AFAP1L2: variants seen among roughly 807,000 people sequenced by gnomAD.
AFAP1L2 encodes the protein actin filament associated protein 1 like 2, also known as actin filament-associated protein 1-like 2.
Under a neutral mutation model 99.3 loss-of-function variants are expected in AFAP1L2, and 46 were observed. The observed-to-expected ratio is 0.46, with a 90% CI of 0.37 to 0.59. AFAP1L2 has a LOEUF of 0.59. Ranked by LOEUF, AFAP1L2 falls within the 20% of genes least tolerant of loss-of-function variation. The pLI, the probability that AFAP1L2 is intolerant of heterozygous loss-of-function variation, is 0.00. For synonymous variants in AFAP1L2, 397 were observed against 419.1 expected, an observed-to-expected ratio of 0.95 and a Z score of 0.64; for missense variants, 959 against 1,034.9, an observed-to-expected ratio of 0.93 and a Z score of 1.01.
downstream of AFAP1L2, chr10:114,294,683 T>C (rs1286175555): frequency 4.8e-6 from 2 of 420,052 alleles, no homozygotes; most frequent in Admixed American, 1.3e-4. Flanking sequence ...CTTTCAGCCT[T>C]ATCTATGCTC....
intron 1 of AFAP1L2, among the ~76,000 whole-genome samples, chr10:114,356,709 C>G (rs1358420168): frequency 1.3e-5 from 2 of 152,184 alleles, no homozygotes; most frequent in Admixed American, 1.3e-4. Flanking sequence ...ACAGAAAACC[C>G]AAATTTCCTA....
chr10:114,357,352 T>C (rs1287943388), intron 1 of AFAP1L2, among the ~76,000 whole-genome samples: 3 of 152,166 alleles, frequency 2.0e-5, no homozygotes, highest in African/African-American at 7.2e-5. Context: ...TGTAACCACA[T>C]TCTCTAATGC....
intron 1 of AFAP1L2, among the ~76,000 whole-genome samples, chr10:114,350,669 TG>T (rs2050335799): frequency 6.6e-6 from 1 of 152,184 alleles, no homozygotes; most frequent in Non-Finnish European, 1.5e-5. Context: ...GCTGATGGGC[TG>T]GAAGGACAGG....
intron 1 of AFAP1L2, among the ~76,000 whole-genome samples, chr10:114,369,520 G>A (rs926352397): frequency 2.3e-4 from 35 of 151,262 alleles, no homozygotes; most frequent in African/African-American, 7.1e-4. Flanking sequence ...GCGTGAACCC[G>A]GGAGGCGGAG....
the AFAP1L2 span, among the ~76,000 whole-genome samples, chr10:114,284,502 CT>C: frequency 1.3e-5 from 2 of 152,190 alleles, no homozygotes; most frequent in Non-Finnish European, 2.9e-5. Context: ...TAAGACAACC[CT>C]GTGTAGAACT....
intron 1 of AFAP1L2, among the ~76,000 whole-genome samples, chr10:114,379,069 C>T (rs1406879195): frequency 6.6e-6 from 1 of 151,990 alleles, no homozygotes; most frequent in African/African-American, 2.4e-5. Flanking sequence ...AAAAATTAGC[C>T]AGGTATGGTG....
At chr10:114,302,017 G>T (rs1030329163) in intron 12 of AFAP1L2, 7 of 331,302 alleles carry the variant, frequency 2.1e-5, no homozygotes, top group South Asian at 3.4e-5. Context: ...TGGAGACCCA[G>T]TGAGGGATTC....
chr10:114,382,250 T>C (rs1291415196), intron 1 of AFAP1L2, among the ~76,000 whole-genome samples: 1 of 110,138 alleles, frequency 9.1e-6, no homozygotes, highest in Non-Finnish European at 2.0e-5. Context: ...TAGCAAAGGA[T>C]TGGGGGAAAA....
chr10:114,284,910 G>A, the AFAP1L2 span: 5 of 1,606,410 alleles, frequency 3.1e-6, no homozygotes, highest in Non-Finnish European at 4.2e-6. Context: ...ATGTGTTCCA[G>A]AAGGACTGGA....
intron 1 of AFAP1L2, among the ~76,000 whole-genome samples, chr10:114,361,863 G>T (rs751650105): frequency 5.3e-5 from 8 of 152,126 alleles, no homozygotes; most frequent in Non-Finnish European, 1.2e-4. Flanking sequence ...CTAGAATTAG[G>T]TTATATTAGC....
chr10:114,381,202 A>G (rs2093370), intron 1 of AFAP1L2, among the ~76,000 whole-genome samples: 122,470 of 152,198 alleles, frequency 0.8, 49,643 homozygotes, highest in African/African-American at 0.89. Context: ...AAGCCATGAA[A>G]AGCAATGAAA....
At chr10:114,319,762 C>A in intron 5 of AFAP1L2, 2 of 625,468 alleles carry the variant, frequency 3.2e-6, no homozygotes, top group Non-Finnish European at 4.9e-6. Flanking sequence ...ACTCGGCTGC[C>A]AGTCCACCAG....
chr10:114,376,951 A>C (rs1368617549), intron 1 of AFAP1L2, among the ~76,000 whole-genome samples: 1 of 152,180 alleles, frequency 6.6e-6, no homozygotes, highest in East Asian at 1.9e-4. Flanking sequence ...AGCAAGATGG[A>C]GTAGAGACCC....
chr10:114,295,474 C>T lies in AFAP1L2; in HGVS notation c.*568G>A, dbSNP rs1397357178. 1.0e-6 allele frequency: 1 copy of T among 985,202 alleles called. No individual in the cohort carries two copies. The highest frequency in any genetic ancestry group is 6.1e-5 in the Admixed American group (1 of 16,262). 61.0% of individuals were successfully genotyped at this position (985,202 alleles called of 1,614,324 possible). On this transcript the variant is annotated 3_prime_UTR_variant, in exon 19 of 19. Coordinates refer to ENST00000304129, the MANE Select transcript of AFAP1L2 (RefSeq NM_001001936.3). ...CATTATTGTTTCTCAAAACTCATGT[C>T]ATAGATGGTTTTACAGATGATGGTT...
intron 11 of AFAP1L2, among the ~76,000 whole-genome samples, chr10:114,304,036 T>C (rs2041695291): frequency 6.6e-6 from 1 of 152,162 alleles, no homozygotes; most frequent in Admixed American, 6.5e-5. Context: ...AAGATGTCTG[T>C]TGATGGGGAA....
At chr10:114,392,764 T>C (rs558323481) in intron 1 of AFAP1L2, among the ~76,000 whole-genome samples, 1 of 152,076 alleles carries the variant, frequency 6.6e-6, no homozygotes, top group Non-Finnish European at 1.5e-5. Flanking sequence ...AGAGAAGAAA[T>C]CTATACGCAC....
chr10:114,308,918 G>C lies in AFAP1L2; in HGVS notation c.883-401C>G, dbSNP rs2042810485. Reference sequence around the variant, plus strand: ...AGCAGACCATGTGATTTGAGTCCTGGCCGGAGCATTCTGCTGCCAGGCTGG... The same window carrying C: ...AGCAGACCATGTGATTTGAGTCCTGCCCGGAGCATTCTGCTGCCAGGCTGG... On this transcript the variant is annotated intron_variant, in intron 8 of 18. Coordinates refer to ENST00000304129, the MANE Select transcript of AFAP1L2 (RefSeq NM_001001936.3). Among the ~76,000 whole-genome samples, 2 of 152,204 alleles carry C rather than the reference G, an allele frequency of 1.3e-5. 1 individual carries two copies. Among genetic ancestry groups the C allele is most frequent in the South Asian group, 4.1e-4 (2 of 4,828 alleles).
At chr10:114,315,458 C>T (rs1170766920) in intron 6 of AFAP1L2, 102 bp downstream of exon 6, 22 of 1,241,798 alleles carry the variant, frequency 1.8e-5, no homozygotes, top group South Asian at 1.3e-4. Context: ...TAAACAAGCT[C>T]GAAACCTCTG....
intron 1 of AFAP1L2, among the ~76,000 whole-genome samples, chr10:114,351,765 G>A (rs1388425284): frequency 6.6e-6 from 1 of 152,188 alleles, no homozygotes; most frequent in African/African-American, 2.4e-5. Flanking sequence ...CCTCTGAACC[G>A]GAAGTGCCCT....
Sources: allele counts gnomAD v4.1 joint callset (sites outside exome capture counted in the v4.1 genomes callset), GRCh38; gene constraint gnomAD v4.1.1; transcripts MANE v1.5; gene names NCBI Gene and HGNC (gene_info 2026-07-23, HGNC 2026-07-21).